Variants in SAMD12 observed in about 807,000 individuals in gnomAD.
The protein encoded by SAMD12 is sterile alpha motif domain containing 12.
In SAMD12, 9 loss-of-function variants were observed where a neutral mutation model predicts 15.0. That is an observed-to-expected ratio of 0.60 (90% CI 0.36 to 1.05). The LOEUF (loss-of-function observed/expected upper bound fraction) is 1.05, where lower values mean the gene tolerates loss of function less well. Ranked by LOEUF, SAMD12 falls within the 50% of genes least tolerant of loss-of-function variation. SAMD12 has a pLI of 0.01. For missense variants in SAMD12, 230 were observed against 234.2 expected (o/e 0.98, Z 0.12); for synonymous variants, 86 against 90.1 (o/e 0.96, Z 0.25).
At chr8:118,400,180 G>A (rs1259494412) in intron 3 of SAMD12, 1 of 151,996 alleles carries the variant, frequency 6.6e-6, no homozygotes. Context: ...TTTTACAGAG[G>A]GCTTGTTCTA....
rs1826043570 is a variant in SAMD12 at position 118,543,617 on chromosome 8, T to TTCTA, written c.192+37097_192+37098insTAGA. ...AAACATTATGAGATTTTTTTTTCTT[T>TTCTA]TCTTTCTTTCTTTCTTTTTTTTTTT... On this transcript the variant is annotated intron_variant, in intron 2 of 3. Transcript: ENST00000314727. 2.2e-5 allele frequency among the ~76,000 whole-genome samples: 3 copies of TTCTA among 139,136 alleles called. No homozygotes were observed. In the South Asian group the frequency reaches 6.7e-4, roughly 31 times the overall value. 91.3% of individuals were successfully genotyped at this position (139,136 alleles called of 152,430 possible).
intron 4 of SAMD12, among the ~76,000 whole-genome samples, chr8:118,295,102 A>G (rs1814636869): frequency 6.6e-6 from 1 of 152,168 alleles, no homozygotes; most frequent in African/African-American, 2.4e-5. Context: ...TACAAAGGGA[A>G]TGGAACTTGT....
At chr8:118,158,898 C>T in the SAMD12 span, among the ~76,000 whole-genome samples, 1 of 152,118 alleles carries the variant, frequency 6.6e-6, no homozygotes, top group African/African-American at 2.4e-5. Flanking sequence ...CTACCCACTT[C>T]AGGTCTCCAG....
chr8:118,164,883 C>T, the SAMD12 span, among the ~76,000 whole-genome samples: 2 of 151,456 alleles, frequency 1.3e-5, no homozygotes, highest in African/African-American at 4.9e-5. Context: ...ATATGCATTC[C>T]ACATATGCAT....
chr8:118,267,674 A>G (rs945410395), intron 4 of SAMD12, among the ~76,000 whole-genome samples: 3 of 151,778 alleles, frequency 2.0e-5, no homozygotes, highest in Non-Finnish European at 4.4e-5. Context: ...TTATTATGCT[A>G]TACAGTTTGC....
intron 4 of SAMD12, among the ~76,000 whole-genome samples, chr8:118,306,470 T>C (rs1441129524): frequency 6.6e-6 from 1 of 152,180 alleles, no homozygotes; most frequent in Non-Finnish European, 1.5e-5. Flanking sequence ...ATACCCTCTG[T>C]ACTTCTTCCC....
intron 4 of SAMD12, among the ~76,000 whole-genome samples, chr8:118,267,353 G>T (rs1464785606): frequency 2.0e-5 from 3 of 152,040 alleles, no homozygotes; most frequent in Non-Finnish European, 2.9e-5. Flanking sequence ...CTACCTGAAA[G>T]ATCAAAAATT....
At chr8:118,604,044 G>A (rs1248900747) in intron 1 of SAMD12, among the ~76,000 whole-genome samples, 1 of 151,892 alleles carries the variant, frequency 6.6e-6, no homozygotes, top group Non-Finnish European at 1.5e-5. Flanking sequence ...ATACTTCCTG[G>A]CATATAGTAC....
chr8:118,543,190 G>A (rs1402442061), intron 2 of SAMD12, among the ~76,000 whole-genome samples: 4 of 152,142 alleles, frequency 2.6e-5, no homozygotes, highest in African/African-American at 9.7e-5. Context: ...GGGTCCTGCA[G>A]ACTTGCTGAC....
chr8:118,425,149 A>G (rs1383869544), intron 3 of SAMD12, among the ~76,000 whole-genome samples: 5 of 152,238 alleles, frequency 3.3e-5, no homozygotes, highest in Middle Eastern at 3.4e-3. Context: ...CGTGTTAGCC[A>G]GGATGGTCTC....
chr8:118,199,445 T>C (rs1057104833), intron 4 of SAMD12, among the ~76,000 whole-genome samples: 2 of 152,232 alleles, frequency 1.3e-5, no homozygotes, highest in African/African-American at 4.8e-5. Context: ...CTTGACACAG[T>C]GTACCATCCT....
intron 1 of SAMD12, among the ~76,000 whole-genome samples, chr8:118,586,665 G>A (rs1459694728): frequency 6.6e-6 from 1 of 152,038 alleles, no homozygotes; most frequent in Non-Finnish European, 1.5e-5. Flanking sequence ...TATATGATCT[G>A]TATGTGTGTG....
At chr8:118,529,588 T>C (rs994051414) in intron 2 of SAMD12, among the ~76,000 whole-genome samples, 5 of 152,134 alleles carry the variant, frequency 3.3e-5, no homozygotes, top group African/African-American at 7.2e-5. Flanking sequence ...ATTATTCCAC[T>C]CTCTAGGTCA....
intron 1 of SAMD12, among the ~76,000 whole-genome samples, chr8:118,613,554 G>C (rs1418867625): frequency 6.6e-6 from 1 of 152,106 alleles, no homozygotes; most frequent in African/African-American, 2.4e-5. Context: ...AATATTTAGA[G>C]CATCTCTTTT....
In SAMD12 at chr8:118,378,417, T is replaced by C. The variant is rs887030064; in HGVS notation, c.*1000A>G. Reference sequence around the variant, plus strand: ...ACTTAGTATACCAGTAAATTCACCATTGGAAATCTCTGAGGACAAAATGCA... The same window carrying C: ...ACTTAGTATACCAGTAAATTCACCACTGGAAATCTCTGAGGACAAAATGCA... On this transcript the variant is annotated 3_prime_UTR_variant, in exon 4 of 4. Coordinates refer to ENST00000314727, the MANE Select transcript of SAMD12 (RefSeq NM_207506.3). 50 of 977,748 alleles carry C rather than the reference T, an allele frequency of 5.1e-5. No homozygotes were observed. In the African/African-American group the frequency reaches 6.5e-4, roughly 13 times the overall value. 60.6% of individuals were successfully genotyped at this position (977,748 alleles called of 1,614,324 possible). A position where few individuals can be genotyped will look rare whatever the true frequency, so the allele number is the denominator to read the frequency against.
At chr8:118,614,886 G>A (rs114610937) in intron 1 of SAMD12, among the ~76,000 whole-genome samples, 26 of 152,178 alleles carry the variant, frequency 1.7e-4, no homozygotes, top group African/African-American at 5.1e-4. Flanking sequence ...AGCTCAGAGC[G>A]GGTGGTGCTG....
intron 4 of SAMD12, among the ~76,000 whole-genome samples, chr8:118,358,191 G>A (rs894546272): frequency 1.3e-5 from 2 of 152,230 alleles, no homozygotes; most frequent in East Asian, 1.9e-4. Context: ...TCAGAGCTTA[G>A]TATGTGTTTT....
chr8:118,607,482 C>CA (rs1828012927), intron 1 of SAMD12, among the ~76,000 whole-genome samples: 1 of 152,144 alleles, frequency 6.6e-6, no homozygotes, highest in Non-Finnish European at 1.5e-5. Flanking sequence ...GTAATCTGTC[C>CA]ACCTCAGCCT....
chr8:118,341,921 T>A (rs948026816), intron 4 of SAMD12, among the ~76,000 whole-genome samples: 1 of 152,260 alleles, frequency 6.6e-6, no homozygotes, highest in Non-Finnish European at 1.5e-5. Context: ...GTGGCAGACA[T>A]GCGTATTCAC....
Sources: allele counts gnomAD v4.1 joint callset (sites outside exome capture counted in the v4.1 genomes callset), GRCh38; gene constraint gnomAD v4.1.1; transcripts MANE v1.5; gene names NCBI Gene and HGNC (gene_info 2026-07-23, HGNC 2026-07-21).